NPAS4: variants seen among roughly 807,000 people sequenced by gnomAD.
The protein encoded by NPAS4 is neuronal PAS domain protein 4, also known as neuronal PAS domain-containing protein 4.
A neutral mutation model predicts 64.0 loss-of-function variants in NPAS4; 10 were observed. The ratio of observed to expected loss-of-function variants is 0.16; its 90% CI spans 0.10 to 0.26. The LOEUF is 0.26. Among genes scored for constraint, NPAS4 ranks in the 10% least tolerant of loss-of-function variants. The probability of loss-of-function intolerance (pLI) is 1.00; values close to 1 mark genes in which losing one functional copy is unlikely to be tolerated. For missense variants in NPAS4, 886 were observed against 992.6 expected (o/e 0.89, Z 1.44); for synonymous variants, 441 against 411.7 (o/e 1.07, Z -0.86).
upstream of NPAS4, chr11:66,420,901 A>C: frequency 2.6e-6 from 1 of 385,444 alleles, no homozygotes; most frequent in Non-Finnish European, 4.7e-6. Flanking sequence ...CGGGAGGAGG[A>C]GCCCCCCTCC....
At chr11:66,421,890 T>A (rs1277766238) in intron 1 of NPAS4, among the ~76,000 whole-genome samples, 1 of 152,194 alleles carries the variant, frequency 6.6e-6, no homozygotes, top group African/African-American at 2.4e-5. Flanking sequence ...GTTCTGAAAT[T>A]AAGAGCCGAG....
Position 66,424,709 on chromosome 11 carries a change from G to A in NPAS4, c.1819G>A (p.Glu607Lys), listed in dbSNP as rs868670439. The change falls in exon 7 of 8, where the codon GAA becomes AAA. Residue 607 changes from glutamate to lysine, a missense_variant. This residue lies in a region of NPAS4 where 820 missense variants were observed against 855.5 expected (regional missense o/e 0.96). Coordinates refer to ENST00000311034, the MANE Select transcript of NPAS4 (RefSeq NM_178864.4). The stretch of plus-strand genomic sequence containing the variant: ...CTCTGTGGATGTCCCCCTGGTGCCC[G>A]AAGGCCTGCTCACACCTGAGGCCTC... ...PLSVDVPLVP[E>K]GLLTPEASPV... The A allele has an allele frequency of 2.5e-6, 4 of 1,612,986 alleles. No individual in the cohort carries two copies. Among genetic ancestry groups the A allele is most frequent in the South Asian group, 1.1e-5 (1 of 90,894 alleles).
rs1190890175 is a variant in NPAS4, at chr11:66,426,382, G to C, written c.*393G>C. The C allele has an allele frequency of 2.7e-5, 5 of 187,620 alleles. No individual in the cohort carries two copies. Among genetic ancestry groups the C allele is most frequent in the Admixed American group, 1.1e-4 (2 of 17,632 alleles). 11.6% of individuals were successfully genotyped at this position (187,620 alleles called of 1,614,324 possible). A position where few individuals can be genotyped will look rare whatever the true frequency, so the allele number is the denominator to read the frequency against. Reference sequence around the variant, plus strand: ...AGGCAGGGCCCACCCGGGCCAGCCCGTGCCCTGAGGGGCTCTTGACACCCA... The same window carrying C: ...AGGCAGGGCCCACCCGGGCCAGCCCCTGCCCTGAGGGGCTCTTGACACCCA... On this transcript the variant is annotated 3_prime_UTR_variant, in exon 8 of 8. Transcript: ENST00000311034.
chr11:66,422,105 C>T lies in NPAS4; in HGVS notation c.176-15C>T, dbSNP rs1448254620. On this transcript the variant is annotated splice_polypyrimidine_tract_variant and intron_variant, in intron 1 of 7. Coordinates refer to ENST00000311034, the MANE Select transcript of NPAS4 (RefSeq NM_178864.4). ...CAGTCTTACTCCTGACGCACTACGT[C>T]TTCTCGCCCTACAGGCACTCCTCTG... The T allele has an allele frequency of 8.1e-6, 13 of 1,612,464 alleles. No individual in the cohort carries two copies. The highest frequency in any genetic ancestry group is 2.7e-5 in the African/African-American group (2 of 75,028).
At position 66,426,132 on chromosome 11, in the gene NPAS4, G is replaced by A. The variant is rs543750390; in HGVS notation, c.*143G>A. The A allele has an allele frequency of 4.3e-5, 20 of 470,226 alleles. No homozygotes were observed. The highest frequency in any genetic ancestry group is 1.7e-4 in the South Asian group (8 of 47,316). The allele number at this position is 470,226 out of a possible 1,614,324, so 29.1% of individuals were successfully genotyped here. ...TTCCCCAGGCCCTGCAGGATTTTGG[G>A]GGGGGGGAGGTGGGAGGGCAAGGGA... On this transcript the variant is annotated 3_prime_UTR_variant, in exon 8 of 8. Coordinates refer to ENST00000311034, the MANE Select transcript of NPAS4 (RefSeq NM_178864.4).
At chr11:66,413,950 A>AC in the NPAS4 span, among the ~76,000 whole-genome samples, 1 of 152,312 alleles carries the variant, frequency 6.6e-6, no homozygotes, top group South Asian at 2.1e-4. Context: ...AGAGGCTGGC[A>AC]CAAACTCTGC....
chr11:66,410,835 G>A, the NPAS4 span: 3 of 152,272 alleles, frequency 2.0e-5, no homozygotes, highest in South Asian at 2.1e-4. Flanking sequence ...ACTGCCAAGG[G>A]GACTTTCTTC....
chr11:66,426,135 G>C lies in NPAS4; in HGVS notation c.*146G>C. 2 of 466,378 alleles carry C rather than the reference G, an allele frequency of 4.3e-6. No homozygotes were observed. Among genetic ancestry groups the C allele is most frequent in the Non-Finnish European group, 8.2e-6 (2 of 244,396 alleles). The allele number at this position is 466,378 out of a possible 1,614,324, so 28.9% of individuals were successfully genotyped here. ...CCCAGGCCCTGCAGGATTTTGGGGG[G>C]GGGGAGGTGGGAGGGCAAGGGAGGG... On this transcript the variant is annotated 3_prime_UTR_variant, in exon 8 of 8. Coordinates refer to ENST00000311034, the MANE Select transcript of NPAS4 (RefSeq NM_178864.4).
At chr11:66,420,925 C>A (rs1216437895), upstream of NPAS4, 10 of 440,604 alleles carry the variant, frequency 2.3e-5, no homozygotes, top group Non-Finnish European at 3.3e-5. Flanking sequence ...GTCAGCGGCT[C>A]CCGCTGCAGC....
intron 1 of NPAS4, among the ~76,000 whole-genome samples, chr11:66,421,914 G>T (rs535821949): frequency 6.6e-6 from 1 of 152,242 alleles, no homozygotes; most frequent in Admixed American, 6.5e-5. Flanking sequence ...AGCCGACCCC[G>T]CTTTAGAAGT....
rs755964403 is a variant in NPAS4 at position 66,422,159 on chromosome 11, A to G, written c.215A>G (p.Gln72Arg). The G allele has an allele frequency of 1.1e-5, 18 of 1,613,958 alleles. No individual in the cohort carries two copies. The South Asian group carries it at 1.4e-4, about 13-fold the overall frequency. ...GGCCCCACGGGGCTTCTCTCAGCTC[A>G]AGAGCTTGAGGACATCGTAGCGGCA... The part of the protein sequence containing the change: ...LAGPTGLLSA[Q>R]ELEDIVAALP... Residue 72 changes from glutamine (Q) to arginine (R), a missense_variant, in exon 2 of 8, where the codon CAA becomes CGA. By Grantham distance (43) the Gln-to-Arg change is conservative (BLOSUM62 1). Around this residue, in one of 3 missense-constraint regions of NPAS4, gnomAD observed 820 missense variants for 855.5 expected, o/e 0.96. Coordinates refer to ENST00000311034, the MANE Select transcript of NPAS4 (RefSeq NM_178864.4).
chr11:66,416,610 A>G (rs1018910483), upstream of NPAS4, among the ~76,000 whole-genome samples: 4 of 152,168 alleles, frequency 2.6e-5, no homozygotes, highest in African/African-American at 9.7e-5. Flanking sequence ...AGCACCACCA[A>G]TTGCATCAAT....
the NPAS4 span, among the ~76,000 whole-genome samples, chr11:66,412,839 C>T: frequency 6.6e-6 from 1 of 152,240 alleles, no homozygotes; most frequent in African/African-American, 2.4e-5. Flanking sequence ...GCCTCAGGTA[C>T]ATCCCCTCCC....
At chr11:66,421,998 G>T in intron 1 of NPAS4, 122 bp from the exon 2 acceptor site, 1 of 850,814 alleles carries the variant, frequency 1.2e-6, no homozygotes. Flanking sequence ...GTCAACAGGT[G>T]TTTGCAGAGG....
In NPAS4 at chr11:66,423,973, A is replaced by C. The variant is rs750762968; in HGVS notation, c.1083A>C (p.Pro361=). The C allele has an allele frequency of 1.2e-6, 2 of 1,613,576 alleles. No individual in the cohort carries two copies. The highest frequency in any genetic ancestry group is 1.7e-6 in the Non-Finnish European group (2 of 1,179,888). ...LSQEECSSTN[P]LFTAALGAPR... is the part of the protein sequence containing the mutation. Reference sequence around the variant, plus strand: ...AGGAAGAGTGCTCCAGCACTAACCCACTCTTCACCGCAGCACTGGGGGCTC... The same window carrying C: ...AGGAAGAGTGCTCCAGCACTAACCCCCTCTTCACCGCAGCACTGGGGGCTC... Residue 361 remains proline, a synonymous_variant, in exon 7 of 8, where the codon CCA becomes CCC. Transcript: ENST00000311034.
chr11:66,417,640 T>C (rs751261527), upstream of NPAS4, among the ~76,000 whole-genome samples: 1 of 152,110 alleles, frequency 6.6e-6, no homozygotes, highest in African/African-American at 2.4e-5. Flanking sequence ...AGAAGCTATA[T>C]TGAGTCTGGG....
the NPAS4 span, among the ~76,000 whole-genome samples, chr11:66,415,142 G>A: frequency 1.3e-5 from 2 of 152,182 alleles, no homozygotes; most frequent in Non-Finnish European, 2.9e-5. Flanking sequence ...GGATGGAATG[G>A]GGTACCCTGC....
the NPAS4 span, among the ~76,000 whole-genome samples, chr11:66,411,771 G>A: frequency 6.6e-6 from 1 of 152,200 alleles, no homozygotes; most frequent in Non-Finnish European, 1.5e-5. Flanking sequence ...CATTCTCCCT[G>A]CTCGTGGGGG....
upstream of NPAS4, among the ~76,000 whole-genome samples, chr11:66,418,507 C>A (rs1218979657): frequency 1.3e-5 from 2 of 152,076 alleles, no homozygotes; most frequent in Non-Finnish European, 2.9e-5. Context: ...GGGAGCTGGC[C>A]TAGGGAGAGG....
Sources: allele counts gnomAD v4.1 joint callset (sites outside exome capture counted in the v4.1 genomes callset), GRCh38; gene constraint gnomAD v4.1.1; regional missense constraint gnomAD v4.1.1; transcripts MANE v1.5; gene names NCBI Gene and HGNC (gene_info 2026-07-23, HGNC 2026-07-21).